INTS9: variants seen among roughly 807,000 people sequenced by gnomAD.
INTS9 encodes the protein protein related to CPSF subunits of 74 kDa.
In INTS9, 55 loss-of-function variants were observed where a neutral mutation model predicts 79.7. The observed-to-expected ratio is 0.69, with a 90% CI of 0.56 to 0.86. The LOEUF (loss-of-function observed/expected upper bound fraction) is 0.86. Among genes scored for constraint, INTS9 ranks in the 40% least tolerant of loss-of-function variants. The pLI is 0.00. For missense variants in INTS9, 721 were observed against 831.5 expected (o/e 0.87, Z 1.64); for synonymous variants, 319 against 325.2 (o/e 0.98, Z 0.20).
intron 3 of INTS9, among the ~76,000 whole-genome samples, chr8:28,848,346 C>T (rs1401750261): frequency 1.3e-5 from 2 of 152,192 alleles, no homozygotes; most frequent in Non-Finnish European, 2.9e-5. Flanking sequence ...AATGATTTTA[C>T]TCTCAATCTT....
At chr8:28,838,216 A>G (rs2131191597) in intron 4 of INTS9, among the ~76,000 whole-genome samples, 1 of 152,220 alleles carries the variant, frequency 6.6e-6, no homozygotes, top group African/African-American at 2.4e-5. Flanking sequence ...CAGCTCTTCA[A>G]AAGCCAGATG....
Position 28,835,347 on chromosome 8 carries a change from C to G in INTS9, c.433G>C (p.Glu145Gln), listed in dbSNP as rs374423996. Residue 145 changes from glutamate (E) to glutamine (Q), a missense_variant, in exon 6 of 17, where the codon GAA becomes CAA. Physicochemically the swap from Glu to Gln is conservative, Grantham distance 29. Coordinates refer to ENST00000521022, the MANE Select transcript of INTS9 (RefSeq NM_018250.4). The part of the protein sequence containing the change: ...LLMEELVNFI[E>Q]RVPKAQSASL... ...GCAGACTGAGCCTTTGGCACTCTTT[C>G]AATGAAATTCACCAGCTCTTCCATG... The G allele has an allele frequency of 2.5e-6, 4 of 1,613,636 alleles. No individual in the cohort carries two copies. The highest frequency in any genetic ancestry group is 3.4e-6 in the Non-Finnish European group (4 of 1,179,794).
At chr8:28,775,736 C>T (rs917252640) in intron 14 of INTS9, 23 bp downstream of exon 14, 2 of 1,612,946 alleles carry the variant, frequency 1.2e-6, no homozygotes, top group South Asian at 2.2e-5. Flanking sequence ...TCTAGTTTAA[C>T]CCTAGGAAGG....
chr8:28,776,005 T>G, intron 13 of INTS9, 79 bp from the exon 14 acceptor site: 1 of 1,157,188 alleles, frequency 8.6e-7, no homozygotes, highest in Non-Finnish European at 1.2e-6. Context: ...CTGACCCCGA[T>G]CCACTCCCCG....
intron 1 of INTS9, among the ~76,000 whole-genome samples, chr8:28,859,952 C>T (rs1808365112): frequency 6.6e-6 from 1 of 152,210 alleles, no homozygotes; most frequent in Non-Finnish European, 1.5e-5. Flanking sequence ...CTAAGCTGGA[C>T]ACTCAAACTG....
At chr8:28,874,529 G>A (rs1334478945) in intron 1 of INTS9, among the ~76,000 whole-genome samples, 2 of 152,054 alleles carry the variant, frequency 1.3e-5, no homozygotes, top group African/African-American at 2.4e-5. Context: ...TCCTGACCTC[G>A]TGATCTGCCT....
At chr8:28,772,874 G>T (rs1296107319) in intron 14 of INTS9, among the ~76,000 whole-genome samples, 2 of 152,186 alleles carry the variant, frequency 1.3e-5, no homozygotes, top group East Asian at 1.9e-4. Context: ...AACTGGAAAA[G>T]ACTTGAATAA....
chr8:28,868,185 A>T (rs564469352), intron 1 of INTS9, among the ~76,000 whole-genome samples: 2 of 152,372 alleles, frequency 1.3e-5, no homozygotes, highest in Admixed American at 1.3e-4. Flanking sequence ...TTCTGAACAA[A>T]GAGGATTAGT....
rs1810289316 is a variant in INTS9, at chr8:28,888,451, GC to G, written c.9+1422del. The stretch of plus-strand genomic sequence containing the variant: ...TTCCCAGCTATATGGGGAGACTGAC[GC>G]GGCGAGAGGATCGCTTGAGTCCGAA... On this transcript the variant is annotated intron_variant, in intron 1 of 16. Coordinates refer to ENST00000521022, the MANE Select transcript of INTS9 (RefSeq NM_018250.4). Among the ~76,000 whole-genome samples, 3 of 2,364 alleles carry G rather than the reference GC, an allele frequency of 1.3e-3. 1 individual carries two copies. In the South Asian group the frequency reaches 0.025, roughly 20 times the overall value. 1.6% of individuals were successfully genotyped at this position (2,364 alleles called of 152,430 possible). A position where few individuals can be genotyped will look rare whatever the true frequency, so the allele number is the denominator to read the frequency against.
At chr8:28,837,330 A>G (rs1260097407) in intron 5 of INTS9, among the ~76,000 whole-genome samples, 1 of 152,224 alleles carries the variant, frequency 6.6e-6, no homozygotes, top group African/African-American at 2.4e-5. Flanking sequence ...TCTGCCTTGC[A>G]TCTTTGTGGC....
chr8:28,872,774 G>A (rs1809165326), intron 1 of INTS9, among the ~76,000 whole-genome samples: 1 of 152,156 alleles, frequency 6.6e-6, no homozygotes, highest in Non-Finnish European at 1.5e-5. Context: ...ATTTAACTCA[G>A]CACATCATTT....
At chr8:28,773,598 C>T (rs139008618) in intron 14 of INTS9, among the ~76,000 whole-genome samples, 2,761 of 149,278 alleles carry the variant, frequency 0.018, 39 homozygotes, top group Middle Eastern at 0.039. Flanking sequence ...GTTGCCCAAG[C>T]TGGAGTGCAG....
chr8:28,837,644 T>C lies in INTS9; in HGVS notation c.394A>G (p.Ile132Val). Residue 132 changes from isoleucine to valine, a missense_variant, in exon 5 of 17, where the codon ATC becomes GTC. Coordinates refer to ENST00000521022, the MANE Select transcript of INTS9 (RefSeq NM_018250.4). ...CAGAATCAACCCTCTCACCTGCCGA[T>C]CTGGACGGTGGGTTCCGTGGCATAC... ...TVYATEPTVQ[I>V]GRLLMEELVN... 6.2e-7 allele frequency: 1 copy of C among 1,612,870 alleles called. No homozygotes were observed. The highest frequency in any genetic ancestry group is 8.5e-7 in the Non-Finnish European group (1 of 1,179,820).
intron 11 of INTS9, among the ~76,000 whole-genome samples, chr8:28,781,247 A>G (rs751861148): frequency 6.6e-6 from 1 of 152,216 alleles, no homozygotes; most frequent in Non-Finnish European, 1.5e-5. Context: ...CAGACACCTC[A>G]TCAGAGAAGA....
At chr8:28,849,344 T>G (rs1245821829) in intron 3 of INTS9, among the ~76,000 whole-genome samples, 3 of 152,204 alleles carry the variant, frequency 2.0e-5, no homozygotes, top group Non-Finnish European at 4.4e-5. Flanking sequence ...TGTCTAACTA[T>G]TGATCCGAGG....
intron 6 of INTS9, among the ~76,000 whole-genome samples, chr8:28,830,532 G>T (rs1177964822): frequency 6.6e-6 from 1 of 151,638 alleles, no homozygotes; most frequent in Non-Finnish European, 1.5e-5. Context: ...GTTGATACGG[G>T]AGAATCGCTT....
chr8:28,802,606 G>A lies in INTS9; in HGVS notation c.745-5951C>T, dbSNP rs1804583278. ...GCTGGAGAGTCTTCAAGGCCTTCAG[G>A]TAAGAGCTAAAGGCGTAGGATGGAT... On this transcript the variant is annotated intron_variant, in intron 8 of 16. Coordinates refer to ENST00000521022, the MANE Select transcript of INTS9 (RefSeq NM_018250.4). Among the ~76,000 whole-genome samples the A allele has an allele frequency of 2.6e-5, 4 of 152,134 alleles. No homozygotes were observed. The South Asian group carries it at 8.3e-4, about 31-fold the overall frequency.
At chr8:28,807,989 A>C (rs1339677404) in intron 8 of INTS9, among the ~76,000 whole-genome samples, 2 of 152,226 alleles carry the variant, frequency 1.3e-5, no homozygotes, top group Non-Finnish European at 2.9e-5. Context: ...GCTAAATATC[A>C]AATCAATTAA....
chr8:28,869,365 C>T (rs1585509504), intron 1 of INTS9, among the ~76,000 whole-genome samples: 1 of 152,126 alleles, frequency 6.6e-6, no homozygotes. Flanking sequence ...CTTTTAGAAA[C>T]AAGGAACCCT....
Sources: allele counts gnomAD v4.1 joint callset (sites outside exome capture counted in the v4.1 genomes callset), GRCh38; gene constraint gnomAD v4.1.1; transcripts MANE v1.5; gene names NCBI Gene and HGNC (gene_info 2026-07-23, HGNC 2026-07-21).